NFKB1: variants seen among roughly 807,000 people sequenced by gnomAD.
NFKB1 encodes nuclear factor kappa B subunit 1, also known as nuclear factor NF-kappa-B p105 subunit.
Under a neutral mutation model 105.1 loss-of-function variants are expected in NFKB1, and 9 were observed. The observed-to-expected ratio is 0.09, with a 90% CI of 0.05 to 0.15. NFKB1 has a LOEUF of 0.15. Among genes scored for constraint, NFKB1 ranks in the 10% least tolerant of loss-of-function variants. NFKB1 has a pLI of 1.00. For missense variants in NFKB1, 830 were observed against 1,203.7 expected (o/e 0.69, Z 4.59); for synonymous variants, 440 against 442.2 (o/e 1.00, Z 0.06).
Position 102,617,103 on chromosome 4 carries a change from A to AG in NFKB1, c.*509_*510insG, listed in dbSNP as rs201674260. 4,100 of 148,888 alleles carry AG rather than the reference A, an allele frequency of 0.028. 58 individuals are homozygous for AG. The highest frequency in any genetic ancestry group is 0.041 in the Non-Finnish European group (2,775 of 67,606). 9.2% of individuals were successfully genotyped at this position (148,888 alleles called of 1,614,324 possible). A position where few individuals can be genotyped will look rare whatever the true frequency, so the allele number is the denominator to read the frequency against. On this transcript the variant is annotated 3_prime_UTR_variant, in exon 24 of 24. Coordinates refer to ENST00000226574, the MANE Select transcript of NFKB1 (RefSeq NM_003998.4). ...GTGGTTATTTCTCTGATTTGCAAAA[A>AG]AAAAAAAAAAAAAAATACTTGTCAA...
intron 1 of NFKB1, among the ~76,000 whole-genome samples, chr4:102,513,706 T>C (rs1739926957): frequency 6.6e-6 from 1 of 152,218 alleles, no homozygotes; most frequent in African/African-American, 2.4e-5. Flanking sequence ...TGTTTAATTA[T>C]ATACATTTCA....
At chr4:102,571,317 T>A (rs1487253584) in intron 6 of NFKB1, among the ~76,000 whole-genome samples, 2 of 152,184 alleles carry the variant, frequency 1.3e-5, no homozygotes, top group African/African-American at 4.8e-5. Context: ...CCTTACACCT[T>A]ATACAAAAAT....
chr4:102,507,289 C>G (rs1049871063), intron 1 of NFKB1, among the ~76,000 whole-genome samples: 2 of 152,050 alleles, frequency 1.3e-5, no homozygotes, highest in Non-Finnish European at 2.9e-5. Context: ...CTTACGAGTT[C>G]AGTCTGCAGC....
intron 5 of NFKB1, among the ~76,000 whole-genome samples, chr4:102,550,892 A>G (rs910355809): frequency 6.6e-6 from 1 of 151,964 alleles, no homozygotes; most frequent in Non-Finnish European, 1.5e-5. Flanking sequence ...TAGTAATTTT[A>G]TTTTTTGAAT....
At chr4:102,575,129 T>C (rs560158300) in intron 6 of NFKB1, among the ~76,000 whole-genome samples, 1 of 152,372 alleles carries the variant, frequency 6.6e-6, no homozygotes, top group South Asian at 2.1e-4. Context: ...TATTAATTCA[T>C]GCATTCCTTT....
rs1422166284 is a variant in NFKB1 at position 102,515,090 on chromosome 4, ATAT to A, written c.-7-10405_-7-10403del. On this transcript the variant is annotated intron_variant, in intron 1 of 23. Transcript: ENST00000226574. ...GATGAGTTCAGTCCAGTTCCATGTA[ATAT>A]TATTATTATTATTATTTTTTTTTTT... 7.0e-3 allele frequency among the ~76,000 whole-genome samples: 916 copies of A among 130,176 alleles called. 18 individuals carry two copies. Among genetic ancestry groups the A allele is most frequent in the East Asian group, 0.011 (49 of 4,476 alleles). 85.4% of individuals were successfully genotyped at this position (130,176 alleles called of 152,430 possible).
intron 11 of NFKB1, among the ~76,000 whole-genome samples, chr4:102,589,819 A>G (rs527880972): frequency 5.3e-5 from 8 of 152,334 alleles, no homozygotes; most frequent in African/African-American, 1.9e-4. Context: ...TCCAGCCCAA[A>G]AAAAGAGAAG....
At chr4:102,527,909 G>C (rs1256821386) in intron 2 of NFKB1, among the ~76,000 whole-genome samples, 2 of 152,218 alleles carry the variant, frequency 1.3e-5, no homozygotes, top group South Asian at 2.1e-4. Flanking sequence ...CATTTTGAAA[G>C]TTTTTCTTAT....
At chr4:102,542,630 G>A (rs1742080697) in intron 5 of NFKB1, among the ~76,000 whole-genome samples, 1 of 152,038 alleles carries the variant, frequency 6.6e-6, no homozygotes, top group Non-Finnish European at 1.5e-5. Context: ...TCCCCAAGAT[G>A]TTTTTATATT....
intron 2 of NFKB1, among the ~76,000 whole-genome samples, chr4:102,528,042 A>C (rs1235854001): frequency 6.6e-6 from 1 of 151,964 alleles, no homozygotes; most frequent in Non-Finnish European, 1.5e-5. Flanking sequence ...ATATTTCCTA[A>C]AGTTTGCATG....
intron 14 of NFKB1, among the ~76,000 whole-genome samples, chr4:102,596,784 C>T (rs905344161): frequency 1.3e-5 from 2 of 151,722 alleles, no homozygotes; most frequent in African/African-American, 2.4e-5. Flanking sequence ...TGTACTTTTG[C>T]GTTTACTGTG....
intron 1 of NFKB1, among the ~76,000 whole-genome samples, chr4:102,503,723 GTTGA>G (rs1435606115): frequency 2.0e-5 from 3 of 152,100 alleles, no homozygotes; most frequent in African/African-American, 4.8e-5. Context: ...CAAGATCTGT[GTTGA>G]TTGAGTTGAT....
intron 1 of NFKB1, among the ~76,000 whole-genome samples, chr4:102,506,152 T>G (rs550134451): frequency 1.3e-5 from 2 of 152,264 alleles, no homozygotes; most frequent in East Asian, 3.9e-4. Context: ...AGAGCAAGAT[T>G]ATAAAGTAAT....
At chr4:102,564,906 T>C (rs1163138222) in intron 5 of NFKB1, among the ~76,000 whole-genome samples, 1 of 152,250 alleles carries the variant, frequency 6.6e-6, no homozygotes, top group Non-Finnish European at 1.5e-5. Flanking sequence ...TCTTTCACTC[T>C]TGATTTATTG....
chr4:102,514,231 G>C (rs948199525), intron 1 of NFKB1, among the ~76,000 whole-genome samples: 2 of 151,920 alleles, frequency 1.3e-5, no homozygotes, highest in Non-Finnish European at 2.9e-5. Context: ...CATTCAGTGG[G>C]GTGTTGTAGA....
chr4:102,542,381 T>A (rs541474976), intron 5 of NFKB1, among the ~76,000 whole-genome samples: 28 of 152,292 alleles, frequency 1.8e-4, no homozygotes, highest in African/African-American at 4.8e-4. Flanking sequence ...TTAAAAAAAA[T>A]TTTAATTATA....
intron 6 of NFKB1, among the ~76,000 whole-genome samples, chr4:102,569,547 A>G (rs1388299065): frequency 6.6e-6 from 1 of 152,156 alleles, no homozygotes; most frequent in Non-Finnish European, 1.5e-5. Flanking sequence ...TGTCAATACT[A>G]GAAATGAAGC....
At chr4:102,596,623 C>A (rs1011445345) in intron 14 of NFKB1, among the ~76,000 whole-genome samples, 1 of 152,068 alleles carries the variant, frequency 6.6e-6, no homozygotes, top group African/African-American at 2.4e-5. Flanking sequence ...TCTTTTCTGG[C>A]ACAGATAAAT....
At chr4:102,550,945 A>G (rs1338138521) in intron 5 of NFKB1, among the ~76,000 whole-genome samples, 1 of 152,200 alleles carries the variant, frequency 6.6e-6, no homozygotes, top group Non-Finnish European at 1.5e-5. Flanking sequence ...ATATGAGATT[A>G]ACTAGACCCT....
Sources: gnomAD v4.1 joint callset for allele counts (sites outside exome capture counted in the v4.1 genomes callset) on GRCh38, gnomAD v4.1.1 for gene constraint, MANE v1.5 for transcripts, NCBI Gene and HGNC (gene_info 2026-07-23, HGNC 2026-07-21) for gene names.